Variants in NUP93 observed in about 807,000 individuals in gnomAD.
NUP93 encodes nucleoporin 93, also known as nuclear pore complex protein Nup93.
A neutral mutation model predicts 107.8 loss-of-function variants in NUP93; 55 were observed. That is an observed-to-expected ratio of 0.51 (90% confidence interval 0.41 to 0.64). The LOEUF (loss-of-function observed/expected upper bound fraction) is 0.64. NUP93 is among the 30% of genes least tolerant of loss of function. The pLI is 0.00. For synonymous variants in NUP93, 390 were observed against 397.5 expected (o/e 0.98, Z 0.22); for missense variants, 937 against 1,044.7 (o/e 0.90, Z 1.42).
rs762391783 is a variant in NUP93 at position 56,831,950 on chromosome 16, C to T, written c.1194C>T (p.Asp398=). 26 of 1,613,972 alleles carry T rather than the reference C, an allele frequency of 1.6e-5. No individual in the cohort carries two copies. Among genetic ancestry groups the T allele is most frequent in the Middle Eastern group, 1.6e-4 (1 of 6,084 alleles). The change falls in exon 11 of 22, where the codon GAC becomes GAT. Residue 398 remains aspartate (D), a synonymous_variant. Transcript: ENST00000308159. ...TGTACTGTATCATTGGCAGATGTGA[C>T]GTCACCGACAACCAGAGTGAAGTGG... ...RAVYCIIGRC[D]VTDNQSEVAD...
At chr16:56,748,613 G>A (rs1597104080) in intron 2 of NUP93, among the ~76,000 whole-genome samples, 187 bp downstream of exon 2, 1 of 152,108 alleles carries the variant, frequency 6.6e-6, no homozygotes, top group Admixed American at 6.5e-5. Context: ...AGGTTTTCTA[G>A]CCTGTCTGCC....
intron 3 of NUP93, among the ~76,000 whole-genome samples, chr16:56,771,930 G>T (rs1239416909): frequency 6.6e-6 from 1 of 152,206 alleles, no homozygotes; most frequent in African/African-American, 2.4e-5. Flanking sequence ...TTGAAGGAAA[G>T]ATTTTTTGGT....
chr16:56,769,281 C>T (rs780497352), intron 3 of NUP93, among the ~76,000 whole-genome samples: 2 of 152,204 alleles, frequency 1.3e-5, no homozygotes, highest in Non-Finnish European at 1.5e-5. Context: ...AGAAAGCCCA[C>T]AGTGCCGGAG....
At chr16:56,792,331 G>C (rs1596805533) in intron 3 of NUP93, among the ~76,000 whole-genome samples, 1 of 151,830 alleles carries the variant, frequency 6.6e-6, no homozygotes, top group Non-Finnish European at 1.5e-5. Context: ...TAATGTATGG[G>C]GGGGAGGAAT....
intron 4 of NUP93, 171 bp from the exon 5 acceptor site, chr16:56,805,333 C>G: frequency 1.5e-6 from 1 of 687,484 alleles, no homozygotes; most frequent in Non-Finnish European, 2.3e-6. Context: ...CAGGTGTAAA[C>G]CACCACGCTC....
At position 56,830,550 on chromosome 16, in the gene NUP93, C is replaced by CTG; in HGVS notation, c.955_956dup (p.Trp319CysfsTer4). 1 of 1,592,112 alleles carries CTG rather than the reference C, an allele frequency of 6.3e-7. No homozygotes were observed. Among genetic ancestry groups the CTG allele is most frequent in the Non-Finnish European group, 8.6e-7 (1 of 1,163,112 alleles). On this transcript the variant is annotated frameshift_variant, in exon 10 of 22. Transcript: ENST00000308159. LOFTEE classifies it high-confidence loss of function. ...TAGGATGGAGAGGTGGAAGGCCATC[C>CTG]TGTGTGGGCGCTAATTTACTACTGC...
chr16:56,840,121 C>T (rs1963993053), intron 20 of NUP93, among the ~76,000 whole-genome samples: 1 of 152,106 alleles, frequency 6.6e-6, no homozygotes, highest in Admixed American at 6.5e-5. Context: ...CCCGGGTTCA[C>T]ACCATTCTCC....
At chr16:56,828,334 A>G (rs1963711270) in intron 8 of NUP93, among the ~76,000 whole-genome samples, 1 of 152,160 alleles carries the variant, frequency 6.6e-6, no homozygotes, top group South Asian at 2.1e-4. Context: ...ACTGTAAAGG[A>G]CACTATTAAG....
At chr16:56,811,985 G>C (rs1963325320) in intron 5 of NUP93, among the ~76,000 whole-genome samples, 1 of 151,732 alleles carries the variant, frequency 6.6e-6, no homozygotes, top group Non-Finnish European at 1.5e-5. Context: ...AGTATTGTTA[G>C]GAATCAAAAA....
Position 56,758,662 on chromosome 16 carries a change from G to A in NUP93, c.297+7G>A. 4 of 1,602,076 alleles carry A rather than the reference G, an allele frequency of 2.5e-6. No homozygotes were observed. The highest frequency in any genetic ancestry group is 3.4e-6 in the Non-Finnish European group (4 of 1,169,168). ...GAAGGACACTGACATTCAGGTAAGG[G>A]CTGCCAAGTGCAGGTGGAACCCAGA... On this transcript the variant is annotated splice_region_variant and intron_variant, in intron 3 of 21. Coordinates refer to ENST00000308159, the MANE Select transcript of NUP93 (RefSeq NM_014669.5).
chr16:56,763,074 C>T (rs1469630026), intron 3 of NUP93, among the ~76,000 whole-genome samples: 1 of 152,148 alleles, frequency 6.6e-6, no homozygotes, highest in Non-Finnish European at 1.5e-5. Flanking sequence ...TTGTGGGACA[C>T]ACACTTCAAC....
At position 56,748,367 on chromosome 16, in the gene NUP93, A is replaced by G; in HGVS notation, c.120A>G (p.Gly40=). 6.2e-7 allele frequency: 1 copy of G among 1,613,996 alleles called. No homozygotes were observed. Among genetic ancestry groups the G allele is most frequent in the African/African-American group, 1.3e-5 (1 of 75,028 alleles). Residue 40 remains glycine (G), a synonymous_variant, in exon 2 of 22, where the codon GGA becomes GGG. Transcript: ENST00000308159. ...ERNLQEIQQA[G]ERLRSRTLTR... ...ACTTACAGGAGATCCAGCAGGCGGG[A>G]GAGCGCCTGCGTTCCCGTACCCTAA...
chr16:56,808,558 A>AGT (rs1963226078), intron 5 of NUP93, among the ~76,000 whole-genome samples: 3 of 124,132 alleles, frequency 2.4e-5, no homozygotes, highest in South Asian at 4.6e-4. Context: ...ATATATAAAA[A>AGT]TATATAAATA....
intron 2 of NUP93, among the ~76,000 whole-genome samples, chr16:56,750,141 C>T (rs1212209808): frequency 2.6e-5 from 4 of 152,230 alleles, no homozygotes; most frequent in Non-Finnish European, 4.4e-5. Flanking sequence ...TAACAATTAT[C>T]GGTCATGCTC....
intron 21 of NUP93, 111 bp from the exon 22 acceptor site, chr16:56,844,388 C>A: frequency 2.0e-6 from 1 of 510,858 alleles, no homozygotes; most frequent in Non-Finnish European, 3.2e-6. Context: ...CTGTCCCTGA[C>A]ACGCTGGGGT....
In NUP93 at chr16:56,830,600, G is replaced by A. The variant is rs145578512; in HGVS notation, c.1000G>A (p.Ala334Thr). 394 of 1,610,878 alleles carry A rather than the reference G, an allele frequency of 2.4e-4. 2 individuals carry two copies. The South Asian group carries it at 3.8e-3, about 16-fold the overall frequency. The change falls in exon 10 of 22, where the codon GCT becomes ACT. Residue 334 changes from alanine (A) to threonine (T), a missense_variant. Coordinates refer to ENST00000308159, the MANE Select transcript of NUP93 (RefSeq NM_014669.5). ...YCMRCGDLLA[A>T]SQVVNRAQHQ... ...CATGCGCTGTGGAGACCTGCTTGCC[G>A]CTTCACAGGTAGTTAATCGAGCCCA...
intron 1 of NUP93, among the ~76,000 whole-genome samples, chr16:56,740,166 G>T (rs1278873924): frequency 9.7e-5 from 14 of 143,608 alleles, no homozygotes; most frequent in East Asian, 4.3e-4. Flanking sequence ...GCTGCCGGGC[G>T]GAGACGCTCC....
At chr16:56,820,146 G>T (rs182699557) in intron 6 of NUP93, among the ~76,000 whole-genome samples, 12 of 152,144 alleles carry the variant, frequency 7.9e-5, no homozygotes, top group Non-Finnish European at 4.4e-5. Flanking sequence ...ACATTTCATA[G>T]CACATACAAC....
At chr16:56,777,004 C>A (rs1353582828) in intron 3 of NUP93, among the ~76,000 whole-genome samples, 5 of 152,072 alleles carry the variant, frequency 3.3e-5, no homozygotes, top group African/African-American at 1.2e-4. Context: ...TTAATAGATG[C>A]TGAGAGAGAG....
Sources: allele counts gnomAD v4.1 joint callset (sites outside exome capture counted in the v4.1 genomes callset), GRCh38; gene constraint gnomAD v4.1.1; transcripts MANE v1.5; gene names NCBI Gene and HGNC (gene_info 2026-07-23, HGNC 2026-07-21).